NPAS3: variants seen among roughly 807,000 people sequenced by gnomAD.
NPAS3 encodes neuronal PAS domain-containing protein 3.
In NPAS3, 14 loss-of-function variants were observed where a neutral mutation model predicts 73.1. The observed-to-expected ratio is 0.19, with a 90% CI of 0.13 to 0.30. NPAS3 has a LOEUF of 0.30. Among genes scored for constraint, NPAS3 ranks in the 10% least tolerant of loss-of-function variants. The pLI is 1.00. For synonymous variants in NPAS3, 620 were observed against 541.5 expected, an observed-to-expected ratio of 1.14 and a Z score of -2.01; for missense variants, 1,096 against 1,250.0, an observed-to-expected ratio of 0.88 and a Z score of 1.86.
intron 9 of NPAS3, among the ~76,000 whole-genome samples, chr14:33,779,497 T>A (rs1043920943): frequency 6.6e-6 from 1 of 152,192 alleles, no homozygotes; most frequent in African/African-American, 2.4e-5. Context: ...TGAATTTAAA[T>A]ACAGTCACAT....
intron 4 of NPAS3, among the ~76,000 whole-genome samples, chr14:33,533,611 C>T (rs10145313): frequency 0.46 from 69,328 of 152,010 alleles, 19,051 homozygotes; most frequent in African/African-American, 0.79. Flanking sequence ...TTTTAAAAAA[C>T]ACTACACTAA....
At chr14:33,488,981 C>T (rs1001091016) in intron 4 of NPAS3, among the ~76,000 whole-genome samples, 2 of 152,102 alleles carry the variant, frequency 1.3e-5, no homozygotes, top group African/African-American at 4.8e-5. Flanking sequence ...CAAAATTGTA[C>T]CCATTCTCCC....
chr14:33,504,100 T>G (rs2052647386), intron 4 of NPAS3, among the ~76,000 whole-genome samples: 1 of 151,936 alleles, frequency 6.6e-6, no homozygotes, highest in Admixed American at 6.6e-5. Flanking sequence ...TTCCACACAT[T>G]AAGTATAGAA....
intron 2 of NPAS3, among the ~76,000 whole-genome samples, chr14:33,174,485 T>C (rs1199666057): frequency 6.6e-6 from 1 of 152,222 alleles, no homozygotes; most frequent in East Asian, 1.9e-4. Context: ...TTCAACAACA[T>C]TTATTGCAAA....
rs1183011268 is a variant in NPAS3, at chr14:33,800,228, A to G, written c.1921A>G (p.Asn641Asp). Reference sequence around the variant, plus strand: ...GCCCCCGCGGCTGCTGTCCTCCCCCAACAGTGCCTCGGTGCTCAAGATCAA... The same window carrying G: ...GCCCCCGCGGCTGCTGTCCTCCCCCGACAGTGCCTCGGTGCTCAAGATCAA... The change falls in exon 12 of 12, where the codon AAC (asparagine) becomes GAC (aspartate). Residue 641 changes from asparagine (N) to aspartate (D), a missense_variant. Around this residue, in one of 5 missense-constraint regions of NPAS3, gnomAD observed 698 missense variants for 676.7 expected, o/e 1.03. Transcript: ENST00000356141. The surrounding 1 kb of genome is among the most constrained non-coding windows in gnomAD (Gnocchi z 6.5). The G allele has an allele frequency of 1.9e-6, 3 of 1,612,644 alleles. No homozygotes were observed. Among genetic ancestry groups the G allele is most frequent in the Non-Finnish European group, 8.5e-7 (1 of 1,179,606 alleles).
At chr14:33,585,062 T>A (rs959733676) in intron 5 of NPAS3, among the ~76,000 whole-genome samples, 3 of 151,322 alleles carry the variant, frequency 2.0e-5, no homozygotes, top group African/African-American at 7.4e-5. Flanking sequence ...GAAAGTTCAA[T>A]TCTTTCTTTT....
At chr14:33,793,373 T>TA (rs1386588127) in intron 9 of NPAS3, among the ~76,000 whole-genome samples, 14 of 152,302 alleles carry the variant, frequency 9.2e-5, no homozygotes, top group African/African-American at 3.4e-4. Flanking sequence ...CGGAGGACTA[T>TA]AAATTCTGTT....
At chr14:33,096,633 G>A (rs1231057260) in intron 2 of NPAS3, among the ~76,000 whole-genome samples, 1 of 152,242 alleles carries the variant, frequency 6.6e-6, no homozygotes. Context: ...AATAGGCAAT[G>A]TGTGTTTCTA....
chr14:33,506,839 G>A (rs2052788597), intron 4 of NPAS3, among the ~76,000 whole-genome samples: 3 of 151,946 alleles, frequency 2.0e-5, no homozygotes, highest in South Asian at 2.1e-4. Context: ...GTAGGAATTT[G>A]TATGTTTTCT....
chr14:33,161,154 A>T (rs2044867257), intron 2 of NPAS3, among the ~76,000 whole-genome samples: 1 of 152,224 alleles, frequency 6.6e-6, no homozygotes, highest in Non-Finnish European at 1.5e-5. Flanking sequence ...TATTCTTTAG[A>T]TCTAAAGTCT....
intron 2 of NPAS3, among the ~76,000 whole-genome samples, chr14:33,181,061 G>C (rs1412860578): frequency 6.6e-6 from 1 of 152,088 alleles, no homozygotes; most frequent in African/African-American, 2.4e-5. Context: ...TTCAATTTTT[G>C]ACTTCACCTC....
intron 2 of NPAS3, among the ~76,000 whole-genome samples, chr14:33,201,122 G>T (rs980991874): frequency 6.6e-6 from 1 of 152,194 alleles, no homozygotes; most frequent in Non-Finnish European, 1.5e-5. Flanking sequence ...AAATGAGAGA[G>T]AAAGACAGAA....
intron 3 of NPAS3, among the ~76,000 whole-genome samples, chr14:33,342,038 G>C (rs2044510191): frequency 6.6e-6 from 1 of 152,074 alleles, no homozygotes; most frequent in Non-Finnish European, 1.5e-5. Context: ...TCTCTTCCTT[G>C]GTCTAATCCC....
intron 5 of NPAS3, among the ~76,000 whole-genome samples, chr14:33,659,367 C>T (rs1223332569): frequency 6.6e-6 from 1 of 152,162 alleles, no homozygotes; most frequent in African/African-American, 2.4e-5. Flanking sequence ...ATGACCAGTG[C>T]CTTCTATTAG....
At chr14:33,141,178 T>C (rs1028080691) in intron 2 of NPAS3, among the ~76,000 whole-genome samples, 4 of 152,242 alleles carry the variant, frequency 2.6e-5, no homozygotes, top group Admixed American at 6.5e-5. Flanking sequence ...GCGAGAGCAA[T>C]GTATGCTTGC....
intron 3 of NPAS3, among the ~76,000 whole-genome samples, chr14:33,295,719 G>A (rs565298519): frequency 6.6e-6 from 1 of 152,128 alleles, no homozygotes; most frequent in African/African-American, 2.4e-5. Context: ...TAATGCAGAG[G>A]TATTTATAGA....
chr14:33,441,404 A>G (rs58718426), intron 4 of NPAS3, among the ~76,000 whole-genome samples: 2 of 151,936 alleles, frequency 1.3e-5, no homozygotes. Context: ...AGATAAAAGA[A>G]TCTTAGAGTG....
At chr14:33,366,176 C>T (rs998496827) in intron 3 of NPAS3, among the ~76,000 whole-genome samples, 4 of 152,092 alleles carry the variant, frequency 2.6e-5, no homozygotes, top group African/African-American at 7.2e-5. Context: ...CTGACCACGA[C>T]GCATCCCTGG....
chr14:33,512,894 G>A (rs1480120480), intron 4 of NPAS3, among the ~76,000 whole-genome samples: 1 of 151,982 alleles, frequency 6.6e-6, no homozygotes, highest in African/African-American at 2.4e-5. Context: ...TTTTTAAAGT[G>A]CCATTTCTAA....
Sources: gnomAD v4.1 joint callset for allele counts (sites outside exome capture counted in the v4.1 genomes callset) on GRCh38, gnomAD v4.1.1 for gene constraint, gnomAD v4.1.1 regional missense constraint, Gnocchi (gnomAD v3.1) non-coding constraint, MANE v1.5 for transcripts, NCBI Gene and HGNC (gene_info 2026-07-23, HGNC 2026-07-21) for gene names.